The following LRSAM1 variants were observed in gnomAD, a reference collection of about 807,000 sequenced individuals.
LRSAM1 encodes the protein leucine rich repeat and sterile alpha motif containing 1, also known as E3 ubiquitin-protein ligase LRSAM1.
A neutral mutation model predicts 118.1 loss-of-function variants in LRSAM1; 96 were observed. That is an observed-to-expected ratio of 0.81 (90% CI 0.69 to 0.96). The LOEUF (loss-of-function observed/expected upper bound fraction) is 0.96. Ranked by LOEUF, LRSAM1 falls within the 40% of genes least tolerant of loss-of-function variation. LRSAM1 has a pLI of 0.00. For missense variants in LRSAM1, 804 were observed against 915.5 expected (o/e 0.88, Z 1.57); for synonymous variants, 322 against 364.2 (o/e 0.88, Z 1.32).
At chr9:127,482,431 C>A (rs1338295984) in intron 15 of LRSAM1, among the ~76,000 whole-genome samples, 5 of 152,158 alleles carry the variant, frequency 3.3e-5, no homozygotes, top group Non-Finnish European at 5.9e-5. Context: ...GTGTGAGCCA[C>A]CGCACCCGGC....
At chr9:127,485,414 G>A (rs903000323) in intron 16 of LRSAM1, among the ~76,000 whole-genome samples, 2 of 151,986 alleles carry the variant, frequency 1.3e-5, no homozygotes, top group Non-Finnish European at 2.9e-5. Context: ...AAAATTAGGC[G>A]GGCGTGGTGG....
At chr9:127,485,014 G>T (rs1835679189) in intron 16 of LRSAM1, among the ~76,000 whole-genome samples, 1 of 151,548 alleles carries the variant, frequency 6.6e-6, no homozygotes, top group African/African-American at 2.4e-5. Context: ...CGCCATGTTG[G>T]CCAGGCTGGT....
At chr9:127,489,328 A>G in intron 18 of LRSAM1, 116 bp from the exon 19 acceptor site, 1 of 1,229,518 alleles carries the variant, frequency 8.1e-7, no homozygotes, top group South Asian at 1.3e-5. Flanking sequence ...TCCCTCTCTC[A>G]GAAAAAACCC....
At chr9:127,469,648 G>C (rs777119833) in intron 10 of LRSAM1, among the ~76,000 whole-genome samples, 7 of 151,244 alleles carry the variant, frequency 4.6e-5, no homozygotes, top group Non-Finnish European at 7.4e-5. Flanking sequence ...ACTTCCTGCT[G>C]ACAAGTCAAC....
At chr9:127,456,235 T>G (rs768441331) in intron 5 of LRSAM1, among the ~76,000 whole-genome samples, 8 of 133,286 alleles carry the variant, frequency 6.0e-5, no homozygotes, top group Non-Finnish European at 1.2e-4. Flanking sequence ...GTTTTGTTTG[T>G]TTTTTTTTTT....
At chr9:127,456,229 T>C (rs572884257) in intron 5 of LRSAM1, among the ~76,000 whole-genome samples, 3 of 150,156 alleles carry the variant, frequency 2.0e-5, no homozygotes, top group Middle Eastern at 3.5e-3. Flanking sequence ...CTGGAAGTTT[T>C]GTTTGTTTTT....
intron 17 of LRSAM1, among the ~76,000 whole-genome samples, chr9:127,487,231 C>T (rs974164960): frequency 3.3e-5 from 5 of 151,320 alleles, no homozygotes; most frequent in Admixed American, 3.3e-4. Flanking sequence ...CACAAACATA[C>T]GTGAGGCTGC....
chr9:127,490,407 G>C (rs909484251), intron 19 of LRSAM1, among the ~76,000 whole-genome samples: 2 of 152,106 alleles, frequency 1.3e-5, no homozygotes, highest in Non-Finnish European at 2.9e-5. Flanking sequence ...ACAGGGTCAT[G>C]GGCACAGGAT....
intron 5 of LRSAM1, among the ~76,000 whole-genome samples, chr9:127,456,121 G>T (rs1321276928): frequency 2.8e-5 from 4 of 145,434 alleles, no homozygotes; most frequent in Non-Finnish European, 5.9e-5. Flanking sequence ...GAATGCAGAT[G>T]GGTAGAAGCG....
At chr9:127,466,530 T>TTTC (rs1834957466) in intron 9 of LRSAM1, among the ~76,000 whole-genome samples, 1 of 84,176 alleles carries the variant, frequency 1.2e-5, no homozygotes, top group Non-Finnish European at 2.1e-5. Context: ...TTTTTTTTTT[T>TTTC]CCACTAGAGA....
At chr9:127,479,092 C>T (rs1835435969) in intron 12 of LRSAM1, 129 bp downstream of exon 12, 2 of 1,005,244 alleles carry the variant, frequency 2.0e-6, no homozygotes, top group Non-Finnish European at 1.5e-6. Flanking sequence ...CTTCCTCTTA[C>T]ACGCAGTCTG....
intron 13 of LRSAM1, 110 bp from the exon 14 acceptor site, chr9:127,479,729 A>T (rs1194070949): frequency 6.7e-7 from 1 of 1,483,536 alleles, no homozygotes; most frequent in Non-Finnish European, 9.2e-7. Context: ...AGGTCACACA[A>T]AAAGGATTGG....
At position 127,454,502 on chromosome 9, in the gene LRSAM1, A is replaced by G; in HGVS notation, c.-26A>G. 6.2e-7 allele frequency: 1 copy of G among 1,613,858 alleles called. No homozygotes were observed. Among genetic ancestry groups the G allele is most frequent in the Non-Finnish European group, 8.5e-7 (1 of 1,179,822 alleles). ...CTTCTCTCCTGTGCCCCAGGGTCCT[A>G]AAGATCGCTCTGGGAAAAGGGAAGG... is the stretch of plus-strand genomic sequence containing the variant. On this transcript the variant is annotated 5_prime_UTR_variant, in exon 3 of 26. Coordinates refer to ENST00000300417, the MANE Select transcript of LRSAM1 (RefSeq NM_001005373.4).
chr9:127,489,590 G>T (rs1040634179), intron 19 of LRSAM1, 72 bp downstream of exon 19: 2 of 1,512,656 alleles, frequency 1.3e-6, no homozygotes, highest in Non-Finnish European at 1.8e-6. Flanking sequence ...AGGGCGGCAG[G>T]TCGCAGCAGT....
intron 21 of LRSAM1, among the ~76,000 whole-genome samples, chr9:127,494,975 G>C (rs1002116779): frequency 4.6e-5 from 7 of 152,144 alleles, no homozygotes; most frequent in Non-Finnish European, 1.0e-4. Context: ...TTTTGAGACG[G>C]AGTTTCGCTC....
intron 16 of LRSAM1, among the ~76,000 whole-genome samples, chr9:127,485,339 C>T (rs1201196100): frequency 6.6e-6 from 1 of 151,932 alleles, no homozygotes; most frequent in African/African-American, 2.4e-5. Flanking sequence ...GGGTGGATCA[C>T]GAGGTCAAGA....
chr9:127,480,082 C>A, intron 14 of LRSAM1, 104 bp downstream of exon 14: 1 of 1,507,146 alleles, frequency 6.6e-7, no homozygotes, highest in Non-Finnish European at 9.2e-7. Flanking sequence ...GCCCCTGCCC[C>A]GGGCTTCCCT....
At chr9:127,464,901 C>T (rs1324358139) in intron 9 of LRSAM1, among the ~76,000 whole-genome samples, 1 of 152,008 alleles carries the variant, frequency 6.6e-6, no homozygotes, top group Non-Finnish European at 1.5e-5. Flanking sequence ...CCTTGACTCC[C>T]AAGTAGGTGG....
intron 18 of LRSAM1, 131 bp downstream of exon 18, chr9:127,487,894 G>A: frequency 1.4e-6 from 1 of 725,338 alleles, no homozygotes. Flanking sequence ...GACCATAGAG[G>A]TGTACAAGTG....
Sources: allele counts gnomAD v4.1 joint callset (sites outside exome capture counted in the v4.1 genomes callset), GRCh38; gene constraint gnomAD v4.1.1; transcripts MANE v1.5; gene names NCBI Gene and HGNC (gene_info 2026-07-23, HGNC 2026-07-21).